APC: variants seen among roughly 807,000 people sequenced by gnomAD.
APC encodes the protein APC regulator of Wnt signaling pathway.
A neutral mutation model predicts 247.0 loss-of-function variants in APC; 72 were observed. That is an observed-to-expected ratio of 0.29 (90% CI 0.24 to 0.35). The LOEUF is 0.35. APC is among the 10% of genes least tolerant of loss of function. The pLI is 1.00. For synonymous variants in APC, 1,254 were observed against 1,162.5 expected (o/e 1.08, Z -1.60); for missense variants, 3,400 against 3,360.7 (o/e 1.01, Z -0.29).
At chr5:112,767,155 T>A (rs1756421038) in intron 3 of APC, 34 bp from the exon 4 acceptor site, 2 of 1,500,396 alleles carry the variant, frequency 1.3e-6, no homozygotes, top group Non-Finnish European at 9.3e-7. Context: ...CTTAAAGCAA[T>A]TGTTGTATAA....
chr5:112,758,967 A>G (rs542069365), intron 2 of APC, among the ~76,000 whole-genome samples: 2 of 152,222 alleles, frequency 1.3e-5, no homozygotes, highest in Non-Finnish European at 2.9e-5. Flanking sequence ...ATGGCATTTT[A>G]GAGATAAAAA....
Position 112,844,139 on chromosome 5 carries a change from A to T in APC, c.*13A>T, listed in dbSNP as rs763383991. On this transcript the variant is annotated 3_prime_UTR_variant, in exon 16 of 16. Coordinates refer to ENST00000257430, the MANE Select transcript of APC (RefSeq NM_000038.6). Reference sequence around the variant, plus strand: ...GACATCTGTTTAAAAGAGAGGAAGAATGAAACTAAGAAAATTCTATGTTAA... The same window carrying T: ...GACATCTGTTTAAAAGAGAGGAAGATTGAAACTAAGAAAATTCTATGTTAA... 6.2e-7 allele frequency: 1 copy of T among 1,601,624 alleles called. No homozygotes were observed. Among genetic ancestry groups the T allele is most frequent in the Non-Finnish European group, 8.6e-7 (1 of 1,169,110 alleles).
chr5:112,741,937 G>T (rs1420931917), intron 1 of APC, among the ~76,000 whole-genome samples: 1 of 152,136 alleles, frequency 6.6e-6, no homozygotes, highest in Non-Finnish European at 1.5e-5. Flanking sequence ...CATCCATACT[G>T]TAGCCATGTG....
chr5:112,804,457 A>C (rs902705261), intron 8 of APC, among the ~76,000 whole-genome samples: 9 of 152,060 alleles, frequency 5.9e-5, no homozygotes, highest in African/African-American at 1.7e-4. Flanking sequence ...ATCTCAGCTC[A>C]CTATAACCTC....
intron 1 of APC, among the ~76,000 whole-genome samples, chr5:112,719,458 A>G (rs910435103): frequency 9.9e-5 from 15 of 150,936 alleles, no homozygotes; most frequent in South Asian, 8.4e-4. Context: ...CCTGACCTCA[A>G]ATGATCCACC....
chr5:112,780,327 C>T lies in APC; in HGVS notation c.532-463C>T, dbSNP rs62364017. On this transcript the variant is annotated intron_variant, in intron 5 of 15. Transcript: ENST00000257430. ...TTGATTAATGAAAAAGTTCTCTCAA[C>T]TTAATCTGTATGTATATGGTAATCC... Among the ~76,000 whole-genome samples, 72,845 of 151,962 alleles carry T rather than the reference C, an allele frequency of 0.48. 18,444 individuals carry two copies. Among genetic ancestry groups the T allele is most frequent in the East Asian group, 0.74 (3,853 of 5,178 alleles).
chr5:112,720,974 G>A (rs1751452080), intron 1 of APC, among the ~76,000 whole-genome samples: 2 of 152,308 alleles, frequency 1.3e-5, no homozygotes, highest in East Asian at 3.9e-4. Flanking sequence ...CATCTAAAGA[G>A]AACAGTGTAA....
At chr5:112,759,058 A>AAAAAT in intron 2 of APC, among the ~76,000 whole-genome samples, 1 of 152,214 alleles carries the variant, frequency 6.6e-6, no homozygotes, top group Non-Finnish European at 1.5e-5. Flanking sequence ...AGTTTGACAA[A>AAAAAT]ATTTAATATT....
intron 2 of APC, among the ~76,000 whole-genome samples, chr5:112,757,127 A>T (rs1192014496): frequency 6.6e-6 from 1 of 152,196 alleles, no homozygotes; most frequent in Non-Finnish European, 1.5e-5. Flanking sequence ...ATGTGCTTCA[A>T]CAGACATCTT....
At chr5:112,729,765 A>T (rs1297353147) in intron 1 of APC, among the ~76,000 whole-genome samples, 1 of 152,228 alleles carries the variant, frequency 6.6e-6, no homozygotes, top group Non-Finnish European at 1.5e-5. Flanking sequence ...CATATAATGT[A>T]GTATATTCAC....
intron 2 of APC, among the ~76,000 whole-genome samples, chr5:112,763,615 TTTTTTA>T (rs2149773241): frequency 6.6e-6 from 1 of 152,318 alleles, no homozygotes; most frequent in East Asian, 1.9e-4. Context: ...GTACGAAGGA[TTTTTTA>T]TTTTTAAACT....
intron 1 of APC, among the ~76,000 whole-genome samples, chr5:112,739,477 T>C (rs751466688): frequency 6.6e-6 from 1 of 152,240 alleles, no homozygotes; most frequent in African/African-American, 2.4e-5. Context: ...TAAATAAGAC[T>C]ACATAAGTTT....
rs1580996503 is a variant in APC, at chr5:112,707,648, A to G, written c.-70A>G. On this transcript the variant is annotated 5_prime_UTR_variant, in exon 1 of 14. Coordinates refer to the APC transcript ENST00000507379. ...CCGAGGTTGGCTCGATGCTGTTCCC[A>G]GGTACTGTTGTTGGCTGTTGGTGAG... 7.4e-7 allele frequency: 1 copy of G among 1,359,662 alleles called. No individual in the cohort carries two copies. Among genetic ancestry groups the G allele is most frequent in the Non-Finnish European group, 9.7e-7 (1 of 1,029,700 alleles). The allele number at this position is 1,359,662 out of a possible 1,614,324, so 84.2% of individuals were successfully genotyped here.
intron 2 of APC, among the ~76,000 whole-genome samples, chr5:112,761,195 A>G (rs187975037): frequency 1.2e-4 from 18 of 152,320 alleles, no homozygotes; most frequent in Non-Finnish European, 1.3e-4. Context: ...GGAAAATACT[A>G]TCAATCATCT....
chr5:112,793,533 G>C (rs1049669376), intron 7 of APC, among the ~76,000 whole-genome samples: 3 of 152,070 alleles, frequency 2.0e-5, no homozygotes, highest in Non-Finnish European at 4.4e-5. Context: ...AACCCACCTA[G>C]ATCACCCTAT....
Position 112,843,351 on chromosome 5 carries a change from G to A in APC, c.7757G>A (p.Ser2586Asn), listed in dbSNP as rs199806334. ...ASSESSEKAK[S>N]EDEKHVNSIS... ...TCAGAATCCAGTGAAAAAGCAAAAA[G>A]TGAGGATGAAAAACATGTGAACTCT... is the stretch of plus-strand genomic sequence containing the variant. The change falls in exon 16 of 16, where the codon AGT becomes AAT. Residue 2586 changes from serine to asparagine, a missense_variant. This residue lies in a region of APC where 1,788 missense variants were observed against 1,649.5 expected (regional missense o/e 1.08). Transcript: ENST00000257430. The surrounding 1 kb of genome is among the most constrained non-coding windows in gnomAD (Gnocchi z 4.8). The A allele has an allele frequency of 6.2e-7, 1 of 1,613,858 alleles. No homozygotes were observed. The highest frequency in any genetic ancestry group is 8.5e-7 in the Non-Finnish European group (1 of 1,179,890).
intron 15 of APC, among the ~76,000 whole-genome samples, chr5:112,836,177 C>G (rs80012665): frequency 0.012 from 1,016 of 88,146 alleles, 95 homozygotes; most frequent in African/African-American, 0.035. Context: ...CCCCCCCCCC[C>G]CCGCCACCGT....
intron 1 of APC, among the ~76,000 whole-genome samples, chr5:112,717,013 T>C (rs1412006416): frequency 1.3e-5 from 2 of 152,104 alleles, no homozygotes; most frequent in Non-Finnish European, 2.9e-5. Context: ...TGTTTGTTTG[T>C]TGTTGTTGTT....
intron 15 of APC, among the ~76,000 whole-genome samples, chr5:112,835,794 A>C (rs1015069702): frequency 6.6e-6 from 1 of 151,678 alleles, no homozygotes; most frequent in African/African-American, 2.4e-5. Flanking sequence ...GCTGCTCTTG[A>C]ACTCCTGGCC....
Sources: allele counts gnomAD v4.1 joint callset (sites outside exome capture counted in the v4.1 genomes callset), GRCh38; gene constraint gnomAD v4.1.1; regional missense constraint gnomAD v4.1.1; non-coding constraint Gnocchi (gnomAD v3.1); transcripts MANE v1.5; gene names NCBI Gene and HGNC (gene_info 2026-07-23, HGNC 2026-07-21).